Variants in CSNK1A1 observed in about 807,000 individuals in gnomAD.
CSNK1A1 encodes the protein casein kinase 1 alpha 1, also known as casein kinase I isoform alpha.
In CSNK1A1, 7 loss-of-function variants were observed where a neutral mutation model predicts 46.1. That is an observed-to-expected ratio of 0.15 (90% CI 0.09 to 0.29). CSNK1A1 has a LOEUF of 0.29. Among genes scored for constraint, CSNK1A1 ranks in the 10% least tolerant of loss-of-function variants. CSNK1A1 has a pLI of 1.00. For synonymous variants in CSNK1A1, 137 were observed against 141.5 expected (o/e 0.97, Z 0.23); for missense variants, 96 against 417.1 (o/e 0.23, Z 6.71).
In CSNK1A1 at chr5:149,495,900, T is replaced by TA. The variant is rs1428146877; in HGVS notation, c.*952dup. Reference sequence around the variant, plus strand: ...ATACCATGTAACAAATGGCTTGAAGTAGTCTATCAAAAAATTGGGGAGATT... The same window carrying TA: ...ATACCATGTAACAAATGGCTTGAAGTAAGTCTATCAAAAAATTGGGGAGATT... On this transcript the variant is annotated 3_prime_UTR_variant, in exon 10 of 10. Coordinates refer to ENST00000377843, the MANE Select transcript of CSNK1A1 (RefSeq NM_001892.6). 1 of 152,544 alleles carries TA rather than the reference T, an allele frequency of 6.6e-6. No individual in the cohort carries two copies. The highest frequency in any genetic ancestry group is 2.4e-5 in the African/African-American group (1 of 41,424). 9.4% of individuals were successfully genotyped at this position (152,544 alleles called of 1,614,324 possible). A position where few individuals can be genotyped will look rare whatever the true frequency, so the allele number is the denominator to read the frequency against.
At chr5:149,539,699 C>T (rs998786088) in intron 2 of CSNK1A1, among the ~76,000 whole-genome samples, 2 of 151,888 alleles carry the variant, frequency 1.3e-5, no homozygotes, top group African/African-American at 2.4e-5. Context: ...AATCAAAATA[C>T]TTGCAGTTAG....
chr5:149,540,333 C>T (rs1762189245), intron 2 of CSNK1A1, among the ~76,000 whole-genome samples: 3 of 152,098 alleles, frequency 2.0e-5, no homozygotes, highest in African/African-American at 7.2e-5. Flanking sequence ...TCAGCTAAAC[C>T]GTTTTGTGTA....
chr5:149,500,541 T>TGCTG (rs1760818723), intron 9 of CSNK1A1, among the ~76,000 whole-genome samples: 1 of 152,080 alleles, frequency 6.6e-6, no homozygotes, highest in Admixed American at 6.6e-5. Flanking sequence ...CCTCCCAAAG[T>TGCTG]GCTGGGATTA....
intron 2 of CSNK1A1, among the ~76,000 whole-genome samples, chr5:149,528,809 A>G (rs1761797498): frequency 6.6e-6 from 1 of 152,212 alleles, no homozygotes; most frequent in African/African-American, 2.4e-5. Context: ...TAGAGCTTAC[A>G]GCTTTATTTT....
At position 149,550,810 on chromosome 5, in the gene CSNK1A1, G is replaced by C; in HGVS notation, c.123+32C>G. 6.2e-7 allele frequency: 1 copy of C among 1,613,734 alleles called. No individual in the cohort carries two copies. The highest frequency in any genetic ancestry group is 8.5e-7 in the Non-Finnish European group (1 of 1,179,730). On this transcript the variant is annotated intron_variant, in intron 1 of 9. Coordinates refer to ENST00000377843, the MANE Select transcript of CSNK1A1 (RefSeq NM_001892.6). The surrounding 1 kb of genome is among the most constrained non-coding windows in gnomAD (Gnocchi z 4.3). ...GGTGGGGGGAATGAGTAAAAGCGCA[G>C]CGTTATCGTGAACCCCACCCCAGAT... is the stretch of plus-strand genomic sequence containing the variant.
chr5:149,544,888 C>A (rs1272296546), intron 2 of CSNK1A1, among the ~76,000 whole-genome samples: 1 of 151,114 alleles, frequency 6.6e-6, no homozygotes, highest in East Asian at 1.9e-4. Context: ...GTAATCCCAG[C>A]ACTTTGGCGG....
intron 2 of CSNK1A1, among the ~76,000 whole-genome samples, chr5:149,535,156 T>C (rs933143445): frequency 1.3e-5 from 2 of 152,116 alleles, no homozygotes; most frequent in African/African-American, 2.4e-5. Flanking sequence ...ACACATTACC[T>C]CTTCCTAAAA....
chr5:149,497,314 G>T, intron 9 of CSNK1A1: 1 of 988,236 alleles, frequency 1.0e-6, no homozygotes, highest in Non-Finnish European at 1.2e-6. Flanking sequence ...TGCATTCAAA[G>T]CATAATTATC....
chr5:149,501,848 C>A (rs1760867898), intron 9 of CSNK1A1: 1 of 974,338 alleles, frequency 1.0e-6, no homozygotes, highest in African/African-American at 1.8e-5. Context: ...TTGATAATCA[C>A]ATATAGTCAA....
intron 9 of CSNK1A1, chr5:149,501,176 G>A: frequency 6.1e-6 from 6 of 985,324 alleles, no homozygotes; most frequent in Non-Finnish European, 7.2e-6. Flanking sequence ...TGGAGACATG[G>A]ACTCCAGATG....
At chr5:149,497,973 A>G in intron 9 of CSNK1A1, 1 of 609,228 alleles carries the variant, frequency 1.6e-6, no homozygotes, top group Non-Finnish European at 2.1e-6. Flanking sequence ...AGCTGGGACT[A>G]TAGGTGCCTG....
chr5:149,511,971 G>T, intron 5 of CSNK1A1, 99 bp from the exon 6 acceptor site: 1 of 887,002 alleles, frequency 1.1e-6, no homozygotes, highest in South Asian at 1.6e-5. Context: ...CAAATGAGGA[G>T]GGAACACTAT....
chr5:149,498,267 T>C (rs1394326182), intron 9 of CSNK1A1: 1 of 984,000 alleles, frequency 1.0e-6, no homozygotes, highest in Non-Finnish European at 1.2e-6. Context: ...TACAAGAGAG[T>C]AGGTGCATAA....
At chr5:149,543,112 G>T (rs984301842) in intron 2 of CSNK1A1, among the ~76,000 whole-genome samples, 4 of 152,164 alleles carry the variant, frequency 2.6e-5, no homozygotes, top group Non-Finnish European at 5.9e-5. Flanking sequence ...TTATATTTAT[G>T]TAAGAGCTCT....
chr5:149,500,725 C>A (rs1760828211), intron 9 of CSNK1A1, among the ~76,000 whole-genome samples: 2 of 151,896 alleles, frequency 1.3e-5, no homozygotes, highest in Admixed American at 6.6e-5. Flanking sequence ...CAGTGCCTGG[C>A]TGCTTGTGTG....
In CSNK1A1 at chr5:149,517,882, A is replaced by T; in HGVS notation, c.456+2408T>A. The stretch of plus-strand genomic sequence containing the variant: ...CCCCACTGGAGATTCTAAACACTAA[A>T]CAGACAATAGAGGGTGGCAGTGCAT... On this transcript the variant is annotated intron_variant, in intron 4 of 9. Coordinates refer to ENST00000377843, the MANE Select transcript of CSNK1A1 (RefSeq NM_001892.6). The surrounding 1 kb of genome is among the most constrained non-coding windows in gnomAD (Gnocchi z 4.4). 1 of 1,580,592 alleles carries T rather than the reference A, an allele frequency of 6.3e-7. No homozygotes were observed. The highest frequency in any genetic ancestry group is 8.6e-7 in the Non-Finnish European group (1 of 1,156,184).
intron 6 of CSNK1A1, among the ~76,000 whole-genome samples, chr5:149,510,836 C>CA (rs1057323772): frequency 3.9e-5 from 6 of 151,994 alleles, no homozygotes; most frequent in Admixed American, 6.6e-5. Flanking sequence ...CAGATTAATA[C>CA]AAAAAAATTT....
rs75381272 is a variant in CSNK1A1 at position 149,527,845 on chromosome 5, T to C, written c.231-2674A>G. ...AAGTAAGAAGGCGCAAAAAGTCAAATAGGCAAAAGGGAAGGCATAAATCAA... is the reference window on the plus strand; with the variant it reads ...AAGTAAGAAGGCGCAAAAAGTCAAACAGGCAAAAGGGAAGGCATAAATCAA... On this transcript the variant is annotated intron_variant, in intron 2 of 9. Coordinates refer to ENST00000377843, the MANE Select transcript of CSNK1A1 (RefSeq NM_001892.6). Among the ~76,000 whole-genome samples the C allele has an allele frequency of 0.016, 2,461 of 152,204 alleles. 267 individuals are homozygous for C. In the East Asian group the frequency reaches 0.32, roughly 19 times the overall value.
At position 149,551,105 on chromosome 5, in the gene CSNK1A1, G is replaced by C. The variant is rs1762645551; in HGVS notation, c.-141C>G. On this transcript the variant is annotated 5_prime_UTR_variant, in exon 1 of 10. Coordinates refer to ENST00000377843, the MANE Select transcript of CSNK1A1 (RefSeq NM_001892.6). ...CACGGAGGCCTTTACCGGGGTTCGG[G>C]GCCCAGAATCAGCAGAGGGGAACCT... 12 of 878,284 alleles carry C rather than the reference G, an allele frequency of 1.4e-5. No homozygotes were observed. The highest frequency in any genetic ancestry group is 3.5e-6 in the Non-Finnish European group (2 of 571,906). The allele number at this position is 878,284 out of a possible 1,614,324, so 54.4% of individuals were successfully genotyped here. A position where few individuals can be genotyped will look rare whatever the true frequency, so the allele number is the denominator to read the frequency against.
Sources: allele counts gnomAD v4.1 joint callset (sites outside exome capture counted in the v4.1 genomes callset), GRCh38; gene constraint gnomAD v4.1.1; non-coding constraint Gnocchi (gnomAD v3.1); transcripts MANE v1.5; gene names NCBI Gene and HGNC (gene_info 2026-07-23, HGNC 2026-07-21).